Variants in SLX4IP observed in about 807,000 individuals in gnomAD.
The protein encoded by SLX4IP is protein SLX4IP.
SLX4IP carries 34 observed loss-of-function variants against 32.9 expected under a neutral mutation model. That is an observed-to-expected ratio of 1.03 (90% CI 0.79 to 1.38). The LOEUF is 1.38. Ranked by LOEUF, SLX4IP falls within the 40% of genes most tolerant of loss-of-function variation. The pLI, the probability that SLX4IP is intolerant of heterozygous loss-of-function variation, is 0.00. For missense variants in SLX4IP, 444 were observed against 479.0 expected, an observed-to-expected ratio of 0.93 and a Z score of 0.68; for synonymous variants, 172 against 171.7, an observed-to-expected ratio of 1.00 and a Z score of -0.01.
At chr20:10,584,157 C>A (rs932473789) in intron 4 of SLX4IP, among the ~76,000 whole-genome samples, 3 of 151,844 alleles carry the variant, frequency 2.0e-5, no homozygotes, top group Non-Finnish European at 4.4e-5. Context: ...CGCAAATCAG[C>A]AGGTAGTTAA....
chr20:10,566,734 T>C (rs954392476), intron 4 of SLX4IP, among the ~76,000 whole-genome samples: 1 of 152,224 alleles, frequency 6.6e-6, no homozygotes, highest in Non-Finnish European at 1.5e-5. Context: ...GCTTGATTGT[T>C]TGTAAGACCA....
At chr20:10,513,316 A>T (rs1334294289) in intron 2 of SLX4IP, among the ~76,000 whole-genome samples, 1 of 152,176 alleles carries the variant, frequency 6.6e-6, no homozygotes, top group Non-Finnish European at 1.5e-5. Context: ...AGGGTCACAG[A>T]GCTGGAAATT....
In SLX4IP at chr20:10,622,643, T is replaced by C. The variant is rs1400766923; in HGVS notation, c.507-16T>C. 3.8e-6 allele frequency: 6 copies of C among 1,590,440 alleles called. No individual in the cohort carries two copies. Among genetic ancestry groups the C allele is most frequent in the Non-Finnish European group, 5.1e-6 (6 of 1,170,502 alleles). On this transcript the variant is annotated splice_polypyrimidine_tract_variant and intron_variant, in intron 7 of 7. Coordinates refer to ENST00000334534, the MANE Select transcript of SLX4IP (RefSeq NM_001009608.3). ...GACAGCTTTACAAACCATAAAATCA[T>C]TTTTGTTTGTTTCAGTGTGAAAAGA...
chr20:10,447,454 A>T (rs888872812), intron 1 of SLX4IP, among the ~76,000 whole-genome samples: 2 of 151,948 alleles, frequency 1.3e-5, no homozygotes, highest in African/African-American at 4.8e-5. Context: ...TGTCTCGTAT[A>T]TATTTTTTTC....
intron 2 of SLX4IP, among the ~76,000 whole-genome samples, chr20:10,547,758 A>C (rs2066177077): frequency 2.0e-5 from 3 of 152,132 alleles, no homozygotes; most frequent in Non-Finnish European, 4.4e-5. Flanking sequence ...TCCTAGAGAG[A>C]GAATAAGCCA....
At chr20:10,479,824 T>G (rs886708347) in intron 2 of SLX4IP, among the ~76,000 whole-genome samples, 2 of 148,986 alleles carry the variant, frequency 1.3e-5, no homozygotes, top group African/African-American at 2.5e-5. Context: ...GCCAATGTGG[T>G]GAAACCCCGC....
chr20:10,473,635 C>T (rs942211494), intron 2 of SLX4IP, among the ~76,000 whole-genome samples: 13 of 148,988 alleles, frequency 8.7e-5, no homozygotes, highest in Admixed American at 7.4e-4. Flanking sequence ...CAGAGTCTCA[C>T]TGTGTCACCC....
At chr20:10,622,595 G>C (rs771811899) in intron 7 of SLX4IP, 64 bp from the exon 8 acceptor site, 97 of 1,524,546 alleles carry the variant, frequency 6.4e-5, no homozygotes, top group Non-Finnish European at 8.2e-5. Flanking sequence ...GTGGTAGAGG[G>C]AATCTGGAGG....
chr20:10,442,306 A>C (rs1287205970), intron 1 of SLX4IP, among the ~76,000 whole-genome samples: 1 of 152,200 alleles, frequency 6.6e-6, no homozygotes, highest in East Asian at 1.9e-4. Context: ...ATGACAGGAC[A>C]ACCATGTGAT....
rs572303700 is a variant in SLX4IP at position 10,501,919 on chromosome 20, G to T, written c.27+43688G>T. Among the ~76,000 whole-genome samples the T allele has an allele frequency of 4.6e-5, 7 of 152,272 alleles. No homozygotes were observed. The South Asian group carries it at 1.5e-3, about 32-fold the overall frequency. ...ATGTTTTGAATGCCTATGTAAAAATGTAATGGGCACATTGCTTACAGTACT... is the reference window on the plus strand; with the variant it reads ...ATGTTTTGAATGCCTATGTAAAAATTTAATGGGCACATTGCTTACAGTACT... On this transcript the variant is annotated intron_variant, in intron 2 of 7. Transcript: ENST00000334534.
chr20:10,491,109 C>T (rs976961060), intron 2 of SLX4IP, among the ~76,000 whole-genome samples: 1 of 151,356 alleles, frequency 6.6e-6, no homozygotes, highest in Non-Finnish European at 1.5e-5. Context: ...TTGGTACTTG[C>T]CTCTTGTCTT....
chr20:10,623,559 T>A lies in SLX4IP; in HGVS notation c.*180T>A. The A allele has an allele frequency of 1.2e-6, 1 of 852,296 alleles. No homozygotes were observed. The highest frequency in any genetic ancestry group is 2.7e-5 in the East Asian group (1 of 37,146). 52.8% of individuals were successfully genotyped at this position (852,296 alleles called of 1,614,324 possible). On this transcript the variant is annotated 3_prime_UTR_variant, in exon 8 of 8. Transcript: ENST00000334534. ...TTCAAAGCATTTCAAACCGGGAGGC[T>A]ATATGCTTGTTCTAACAGCGTTGCT...
At chr20:10,563,595 T>C (rs2066356172) in intron 4 of SLX4IP, among the ~76,000 whole-genome samples, 2 of 152,178 alleles carry the variant, frequency 1.3e-5, no homozygotes, top group Admixed American at 1.3e-4. Flanking sequence ...CAGTGAGAGA[T>C]AGGGGCCCAG....
At chr20:10,516,526 A>C (rs762840218) in intron 2 of SLX4IP, among the ~76,000 whole-genome samples, 1 of 152,212 alleles carries the variant, frequency 6.6e-6, no homozygotes, top group Non-Finnish European at 1.5e-5. Flanking sequence ...AGGAATGAGC[A>C]TTCTGCCTTC....
intron 2 of SLX4IP, among the ~76,000 whole-genome samples, chr20:10,549,460 G>T (rs1227140328): frequency 4.6e-5 from 7 of 152,284 alleles, no homozygotes; most frequent in African/African-American, 1.4e-4. Context: ...AGGCACTAAG[G>T]CGTAGGCTGT....
chr20:10,445,782 G>A (rs565231360), intron 1 of SLX4IP, among the ~76,000 whole-genome samples: 2 of 151,688 alleles, frequency 1.3e-5, no homozygotes, highest in East Asian at 2.0e-4. Flanking sequence ...ATGCCACTAA[G>A]CCCGGCTAAT....
intron 4 of SLX4IP, among the ~76,000 whole-genome samples, chr20:10,580,822 A>G (rs533766768): frequency 6.6e-6 from 1 of 152,136 alleles, no homozygotes; most frequent in African/African-American, 2.4e-5. Flanking sequence ...CATTTTCAAG[A>G]TTAAGAAAGA....
intron 2 of SLX4IP, among the ~76,000 whole-genome samples, chr20:10,464,047 G>A (rs1045012777): frequency 2.0e-5 from 3 of 152,156 alleles, no homozygotes; most frequent in Admixed American, 6.5e-5. Flanking sequence ...TAAGACATTC[G>A]TAGGATAAAC....
intron 2 of SLX4IP, among the ~76,000 whole-genome samples, chr20:10,547,853 A>T (rs1402127233): frequency 1.3e-5 from 2 of 152,214 alleles, no homozygotes; most frequent in Non-Finnish European, 2.9e-5. Flanking sequence ...AGTACTAGAC[A>T]TTGACAACCC....
Sources: gnomAD v4.1 joint callset for allele counts (sites outside exome capture counted in the v4.1 genomes callset) on GRCh38, gnomAD v4.1.1 for gene constraint, MANE v1.5 for transcripts, NCBI Gene and HGNC (gene_info 2026-07-23, HGNC 2026-07-21) for gene names.